The following DMD variants were observed in gnomAD, a reference collection of about 807,000 sequenced individuals.
The protein encoded by DMD is dystrophin, also known as mutant dystrophin.
In DMD, 63 loss-of-function variants were observed where a neutral mutation model predicts 330.1. The observed-to-expected ratio is 0.19, with a 90% CI of 0.16 to 0.24. DMD has a LOEUF of 0.24. Ranked by LOEUF, DMD falls within the 10% of genes least tolerant of loss-of-function variation. DMD has a pLI of 1.00. For synonymous variants in DMD, 1,223 were observed against 959.8 expected (o/e 1.27, Z -5.07); for missense variants, 3,344 against 2,684.1 (o/e 1.25, Z -5.43).
At chrX:31,567,957 C>A (rs1297742171) in intron 55 of DMD, among the ~76,000 whole-genome samples, 1 of 111,298 alleles carries the variant, frequency 9.0e-6, no homozygotes, top group Non-Finnish European at 1.9e-5. Flanking sequence ...GAATCTCACT[C>A]ATGTTGATGT....
chrX:31,987,041 G>C (rs746373332), intron 44 of DMD, among the ~76,000 whole-genome samples: 8 of 111,761 alleles, frequency 7.2e-5, no homozygotes, highest in Non-Finnish European at 1.5e-4. Context: ...TTATCTATCA[G>C]TTATCTATCT....
intron 7 of DMD, among the ~76,000 whole-genome samples, chrX:32,797,213 C>T (rs1382093738): frequency 1.8e-5 from 2 of 110,786 alleles, no homozygotes; most frequent in Non-Finnish European, 3.8e-5. Context: ...GCCTTGAACT[C>T]CTGGCCTAAA....
At chrX:31,829,384 A>C (rs2149460772) in intron 49 of DMD, among the ~76,000 whole-genome samples, 1 of 111,385 alleles carries the variant, frequency 9.0e-6, no homozygotes, top group African/African-American at 3.3e-5. Context: ...GAAATTATAA[A>C]AAATAAGCAA....
At chrX:32,070,106 T>G (rs1029848278) in intron 44 of DMD, among the ~76,000 whole-genome samples, 3 of 110,853 alleles carry the variant, frequency 2.7e-5, no homozygotes, top group Non-Finnish European at 5.7e-5. Flanking sequence ...ACATGATGGG[T>G]GTAATCTGGA....
chrX:33,004,175 T>C (rs1214335974), intron 2 of DMD, among the ~76,000 whole-genome samples: 1 of 110,623 alleles, frequency 9.0e-6, no homozygotes, highest in Non-Finnish European at 1.9e-5. Flanking sequence ...GCCTTTCCAA[T>C]AAAATGACAG....
chrX:33,266,562 T>A lies in DMD; in HGVS notation c.7+72697A>T, dbSNP rs185489268. Among the ~76,000 whole-genome samples the A allele has an allele frequency of 3.9e-5, 3 of 77,276 alleles. No homozygotes were observed. The East Asian group carries it at 9.6e-4, about 25-fold the overall frequency. 67.1% of individuals were successfully genotyped at this position (77,276 alleles called of 115,157 possible). A position where few individuals can be genotyped will look rare whatever the true frequency, so the allele number is the denominator to read the frequency against. ...GGCAATACAAATATGAATTATGATGTTTGCAGGTTTTAGAAGAAAGTCTTG... is the reference window on the plus strand; with the variant it reads ...GGCAATACAAATATGAATTATGATGATTGCAGGTTTTAGAAGAAAGTCTTG... On this transcript the variant is annotated intron_variant, in intron 1 of 17. Coordinates refer to the DMD transcript ENST00000288447.
intron 23 of DMD, 61 bp downstream of exon 23, chrX:32,468,437 G>T: frequency 1.1e-5 from 11 of 992,233 alleles, no homozygotes; most frequent in Non-Finnish European, 1.5e-5. Context: ...AGTTTACAGT[G>T]TATCGTTAGG....
chrX:31,904,395 T>A (rs1295021774), intron 47 of DMD, among the ~76,000 whole-genome samples: 1 of 111,203 alleles, frequency 9.0e-6, no homozygotes, highest in East Asian at 2.9e-4. Context: ...CCTTTAATAA[T>A]TTCCTCCCCT....
At chrX:31,765,225 T>C (rs943448837) in intron 51 of DMD, among the ~76,000 whole-genome samples, 1 of 111,990 alleles carries the variant, frequency 8.9e-6, no homozygotes, top group Admixed American at 9.5e-5. Flanking sequence ...TTCATCTATA[T>C]GAAAAAGGCA....
At chrX:31,478,520 T>C in intron 58 of DMD, 146 bp from the exon 59 acceptor site, 1 of 742,282 alleles carries the variant, frequency 1.3e-6, no homozygotes, top group Admixed American at 2.9e-5. Flanking sequence ...GGCATAAATT[T>C]TGATACAGCC....
chrX:31,514,175 T>C (rs532485380), intron 55 of DMD, among the ~76,000 whole-genome samples: 29 of 111,948 alleles, frequency 2.6e-4, no homozygotes, highest in East Asian at 2.8e-4. Flanking sequence ...TAGAGATGCA[T>C]CCAATACAAC....
chrX:32,044,402 G>A (rs1196411040), intron 44 of DMD, among the ~76,000 whole-genome samples: 4 of 105,830 alleles, frequency 3.8e-5, no homozygotes, highest in East Asian at 6.0e-4. Flanking sequence ...TCCTTTTATC[G>A]TTATTATTTA....
intron 44 of DMD, among the ~76,000 whole-genome samples, chrX:32,187,436 C>T (rs756349596): frequency 9.0e-6 from 1 of 111,379 alleles, no homozygotes; most frequent in African/African-American, 3.3e-5. Context: ...ATATCCCTGT[C>T]CCCCCAGAAA....
intron 16 of DMD, among the ~76,000 whole-genome samples, chrX:32,549,672 C>A (rs866387638): frequency 3.6e-5 from 4 of 111,700 alleles, no homozygotes; most frequent in Non-Finnish European, 7.5e-5. Context: ...TTAAAATTTA[C>A]ATTTTCTCAT....
chrX:33,185,014 G>A (rs1371154159), intron 1 of DMD, among the ~76,000 whole-genome samples: 11 of 110,200 alleles, frequency 1.0e-4, no homozygotes, highest in African/African-American at 3.6e-4. Flanking sequence ...GAGCCACCGC[G>A]CCCGGCCCAG....
chrX:32,405,774 T>C (rs756978565), intron 30 of DMD, among the ~76,000 whole-genome samples: 2 of 111,759 alleles, frequency 1.8e-5, no homozygotes, highest in South Asian at 3.8e-4. Context: ...AGTAGTTTTT[T>C]CCAATTCTCT....
At chrX:32,068,611 G>T (rs1371124289) in intron 44 of DMD, among the ~76,000 whole-genome samples, 1 of 109,702 alleles carries the variant, frequency 9.1e-6, no homozygotes, top group Non-Finnish European at 1.9e-5. Flanking sequence ...TGTTCTATTG[G>T]TCTATGTGTA....
At chrX:31,962,796 A>G (rs2095318312) in intron 45 of DMD, among the ~76,000 whole-genome samples, 1 of 111,481 alleles carries the variant, frequency 9.0e-6, no homozygotes, top group African/African-American at 3.3e-5. Flanking sequence ...GTCAAGGTCT[A>G]AACTGGCAAT....
At chrX:31,628,915 C>CAT (rs10524146) in intron 54 of DMD, among the ~76,000 whole-genome samples, 9,056 of 82,591 alleles carry the variant, frequency 0.11, 500 homozygotes, top group Admixed American at 0.2. Context: ...TATTTTTGAT[C>CAT]ATATATATAT....
Sources: gnomAD v4.1 joint callset for allele counts (sites outside exome capture counted in the v4.1 genomes callset) on GRCh38, gnomAD v4.1.1 for gene constraint, MANE v1.5 for transcripts, NCBI Gene and HGNC (gene_info 2026-07-23, HGNC 2026-07-21) for gene names.